Variants in PHF20L1 observed in about 807,000 individuals in gnomAD.
The protein encoded by PHF20L1 is PHD finger protein 20 like 1.
PHF20L1 carries 44 observed loss-of-function variants against 125.5 expected under a neutral mutation model. The ratio of observed to expected loss-of-function variants is 0.35; its 90% CI spans 0.28 to 0.45. PHF20L1 has a LOEUF of 0.45. PHF20L1 is among the 20% of genes least tolerant of loss of function. PHF20L1 has a pLI of 1.00. For missense variants in PHF20L1, 1,012 were observed against 1,217.2 expected, an observed-to-expected ratio of 0.83 and a Z score of 2.51; for synonymous variants, 380 against 403.1, an observed-to-expected ratio of 0.94 and a Z score of 0.69.
intron 9 of PHF20L1, 181 bp downstream of exon 9, chr8:132,811,309 G>A: frequency 1.5e-6 from 2 of 1,323,754 alleles, no homozygotes; most frequent in Non-Finnish European, 1.9e-6. Flanking sequence ...GACTTCATTA[G>A]TGTTTGATTT....
chr8:132,799,026 T>G (rs1832730695), intron 5 of PHF20L1, 69 bp from the exon 6 acceptor site: 1 of 1,364,880 alleles, frequency 7.3e-7, no homozygotes, highest in African/African-American at 1.4e-5. Flanking sequence ...GTAAAATAAA[T>G]TATACATTTG....
At chr8:132,823,603 C>T (rs749961469) in intron 12 of PHF20L1, among the ~76,000 whole-genome samples, 5 of 151,894 alleles carry the variant, frequency 3.3e-5, no homozygotes, top group African/African-American at 1.2e-4. Flanking sequence ...AAAAAAATTA[C>T]GTATTTACCA....
At position 132,792,964 on chromosome 8, in the gene PHF20L1, C is replaced by CTTTTTTT. The variant is rs370724463; in HGVS notation, c.84-1434_84-1428dup. On this transcript the variant is annotated intron_variant, in intron 2 of 20. Transcript: ENST00000395386. ...GCTTATTTGAGAAGACCCCTTTTTT[C>CTTTTTTT]TTTTTTTTTTTTTTTTTTAGTGCCA... Among the ~76,000 whole-genome samples, 11 of 129,644 alleles carry CTTTTTTT rather than the reference C, an allele frequency of 8.5e-5. 1 individual carries two copies. Among genetic ancestry groups the CTTTTTTT allele is most frequent in the Non-Finnish European group, 1.4e-4 (9 of 62,704 alleles). The allele number at this position is 129,644 out of a possible 152,430, so 85.1% of individuals were successfully genotyped here.
chr8:132,817,123 A>T, intron 11 of PHF20L1, 47 bp downstream of exon 11: 1 of 1,186,730 alleles, frequency 8.4e-7, no homozygotes, highest in Non-Finnish European at 1.2e-6. Flanking sequence ...AAGAAGATAA[A>T]GAAAAAACTA....
At chr8:132,825,192 C>T in intron 13 of PHF20L1, 72 bp from the exon 14 acceptor site, 1 of 1,574,118 alleles carries the variant, frequency 6.4e-7, no homozygotes, top group Non-Finnish European at 8.7e-7. Context: ...ATAAATGCTG[C>T]TTTTAGGTTA....
intron 15 of PHF20L1, among the ~76,000 whole-genome samples, chr8:132,835,307 A>T (rs753266234): frequency 3.9e-5 from 6 of 152,112 alleles, no homozygotes; most frequent in Non-Finnish European, 8.8e-5. Context: ...GCTAGGGGAT[A>T]GGATGTGAGG....
chr8:132,838,332 A>G (rs922950273), intron 17 of PHF20L1: 2 of 160,656 alleles, frequency 1.2e-5, no homozygotes, highest in African/African-American at 4.8e-5. Context: ...TGCATTATGA[A>G]CTTGCATGCT....
At chr8:132,838,914 C>T (rs1005522098) in intron 17 of PHF20L1, among the ~76,000 whole-genome samples, 28 of 152,210 alleles carry the variant, frequency 1.8e-4, no homozygotes, top group Non-Finnish European at 3.2e-4. Flanking sequence ...GTAATAGGAT[C>T]TAATTTATAT....
intron 4 of PHF20L1, among the ~76,000 whole-genome samples, chr8:132,797,670 A>T: frequency 6.6e-6 from 1 of 152,022 alleles, no homozygotes; most frequent in East Asian, 1.9e-4. Context: ...TGTTTGCATA[A>T]CTTGAATTTA....
chr8:132,799,032 A>G, intron 5 of PHF20L1, 63 bp from the exon 6 acceptor site: 7 of 1,409,858 alleles, frequency 5.0e-6, no homozygotes, highest in Non-Finnish European at 7.0e-6. Context: ...TAAATTATAC[A>G]TTTGATTTTT....
intron 4 of PHF20L1, 115 bp downstream of exon 4, chr8:132,794,932 C>A: frequency 1.5e-6 from 1 of 652,644 alleles, no homozygotes; most frequent in Non-Finnish European, 2.6e-6. Context: ...TTTATATTTT[C>A]TGTAAGTATT....
At chr8:132,788,182 T>G (rs1418586757) in intron 2 of PHF20L1, among the ~76,000 whole-genome samples, 5 of 152,160 alleles carry the variant, frequency 3.3e-5, no homozygotes. Flanking sequence ...TAGCATAATG[T>G]CTTTATTATA....
At chr8:132,842,111 A>C (rs1212949778) in intron 18 of PHF20L1, 1 of 156,272 alleles carries the variant, frequency 6.4e-6, no homozygotes, top group Non-Finnish European at 1.4e-5. Flanking sequence ...TGGGAGAGGA[A>C]ATTTTTACTT....
chr8:132,776,262 G>A (rs1829745878), intron 1 of PHF20L1, among the ~76,000 whole-genome samples: 1 of 151,988 alleles, frequency 6.6e-6, no homozygotes, highest in African/African-American at 2.4e-5. Flanking sequence ...AGTGTCACTG[G>A]GGGATTATAC....
chr8:132,775,892 C>T (rs1829667307), intron 1 of PHF20L1, among the ~76,000 whole-genome samples: 1 of 152,190 alleles, frequency 6.6e-6, no homozygotes, highest in African/African-American at 2.4e-5. Flanking sequence ...TCAGCCTTTC[C>T]TGCCTGTCTC....
chr8:132,808,816 C>CTTTTTT (rs34974702), intron 8 of PHF20L1: 1 of 133,700 alleles, frequency 7.5e-6, no homozygotes, highest in African/African-American at 2.7e-5. Flanking sequence ...TTGGTTTTTG[C>CTTTTTT]TTTTTTTTTT....
At chr8:132,835,748 C>A (rs1027594340) in intron 15 of PHF20L1, among the ~76,000 whole-genome samples, 1 of 152,130 alleles carries the variant, frequency 6.6e-6, no homozygotes, top group African/African-American at 2.4e-5. Context: ...AGAACACAGG[C>A]TTGAGAATCA....
At chr8:132,776,858 A>G (rs1265937476) in intron 1 of PHF20L1, among the ~76,000 whole-genome samples, 4 of 152,204 alleles carry the variant, frequency 2.6e-5, no homozygotes, top group South Asian at 2.1e-4. Flanking sequence ...TACATTCTTA[A>G]TTATGAGTTA....
At position 132,816,915 on chromosome 8, in the gene PHF20L1, G is replaced by A; in HGVS notation, c.1211G>A (p.Arg404Lys). Residue 404 changes from arginine to lysine, a missense_variant, in exon 11 of 21, where the codon AGA (arginine) becomes AAA (lysine). By Grantham distance (26) the Arg-to-Lys change is conservative (BLOSUM62 2). This residue lies in a region of PHF20L1 where 119 missense variants were observed against 160.2 expected (regional missense o/e 0.74). Coordinates refer to ENST00000395386, the MANE Select transcript of PHF20L1 (RefSeq NM_016018.5). ...CCTCCACAGCCTGTGAATCCCCCTA[G>A]ACCTTTCAAGCATAGTGAGCGGAGA... ...TSPPQPVNPP[R>K]PFKHSERRRR... 1 of 1,612,178 alleles carries A rather than the reference G, an allele frequency of 6.2e-7. No individual in the cohort carries two copies. The highest frequency in any genetic ancestry group is 8.5e-7 in the Non-Finnish European group (1 of 1,178,798).
Sources: gnomAD v4.1 joint callset for allele counts (sites outside exome capture counted in the v4.1 genomes callset) on GRCh38, gnomAD v4.1.1 for gene constraint, gnomAD v4.1.1 regional missense constraint, MANE v1.5 for transcripts, NCBI Gene and HGNC (gene_info 2026-07-23, HGNC 2026-07-21) for gene names.